The following NBEA variants were observed in gnomAD, a reference collection of about 807,000 sequenced individuals.
The protein encoded by NBEA is neurobeachin.
Under a neutral mutation model 343.4 loss-of-function variants are expected in NBEA, and 44 were observed. The observed-to-expected ratio is 0.13, with a 90% CI of 0.10 to 0.16. The LOEUF is 0.16. Ranked by LOEUF, NBEA falls within the 10% of genes least tolerant of loss-of-function variation. The pLI is 1.00. For missense variants in NBEA, 2,555 were observed against 3,631.3 expected (o/e 0.70, Z 7.62); for synonymous variants, 1,175 against 1,238.7 (o/e 0.95, Z 1.08).
chr13:35,646,048 G>A (rs1277278992), intron 50 of NBEA, 117 bp downstream of exon 50: 1 of 741,352 alleles, frequency 1.3e-6, no homozygotes, highest in South Asian at 1.9e-5. Flanking sequence ...ATAGTGACTG[G>A]GTTAACTGAA....
At chr13:35,232,862 G>A (rs991180377) in intron 34 of NBEA, among the ~76,000 whole-genome samples, 1 of 152,044 alleles carries the variant, frequency 6.6e-6, no homozygotes, top group Non-Finnish European at 1.5e-5. Context: ...CAGAATGGGA[G>A]GCTTTGGCTC....
intron 1 of NBEA, among the ~76,000 whole-genome samples, chr13:35,033,886 T>G (rs1466835025): frequency 6.6e-6 from 1 of 151,710 alleles, no homozygotes; most frequent in Non-Finnish European, 1.5e-5. Context: ...TTGTTTATTA[T>G]TCTAATAGTT....
At chr13:35,588,079 T>C (rs2081364678) in intron 46 of NBEA, among the ~76,000 whole-genome samples, 1 of 152,124 alleles carries the variant, frequency 6.6e-6, no homozygotes, top group Admixed American at 6.6e-5. Flanking sequence ...ACATTTTACA[T>C]TTTTGGAGGG....
At chr13:35,562,602 C>T (rs2079910777) in intron 44 of NBEA, among the ~76,000 whole-genome samples, 2 of 151,970 alleles carry the variant, frequency 1.3e-5, no homozygotes, top group South Asian at 2.1e-4. Context: ...GATGAACAAG[C>T]CCTCCCTGGT....
intron 1 of NBEA, among the ~76,000 whole-genome samples, chr13:35,009,883 G>T (rs1438148932): frequency 6.6e-6 from 1 of 152,180 alleles, no homozygotes; most frequent in Non-Finnish European, 1.5e-5. Flanking sequence ...AGACAACCCA[G>T]TTTGCTAGAC....
At chr13:35,114,155 C>T (rs2066377516) in intron 13 of NBEA, among the ~76,000 whole-genome samples, 2 of 152,044 alleles carry the variant, frequency 1.3e-5, no homozygotes, top group Non-Finnish European at 2.9e-5. Context: ...GTCATTGCTT[C>T]TACGTACTTT....
chr13:35,644,597 TAAAAACAG>T (rs1459147095), intron 49 of NBEA, among the ~76,000 whole-genome samples: 1 of 152,192 alleles, frequency 6.6e-6, no homozygotes, highest in Non-Finnish European at 1.5e-5. Context: ...TCTGGGGAAG[TAAAAACAG>T]GAGTAGTAGT....
intron 1 of NBEA, among the ~76,000 whole-genome samples, chr13:35,000,869 TTTTTTG>T (rs2061110897): frequency 6.6e-6 from 1 of 152,112 alleles, no homozygotes; most frequent in Non-Finnish European, 1.5e-5. Context: ...TTTACTTTCC[TTTTTTG>T]TTTTTGTTTT....
rs575038827 is a variant in NBEA, at chr13:35,357,359, C to T, written c.6179+5036C>T. Among the ~76,000 whole-genome samples, 36 of 151,682 alleles carry T rather than the reference C, an allele frequency of 2.4e-4. 1 individual carries two copies. The highest frequency in any genetic ancestry group is 1.8e-3 in the Admixed American group (28 of 15,206). On this transcript the variant is annotated intron_variant, in intron 38 of 58. Coordinates refer to ENST00000379939, the MANE Select transcript of NBEA (RefSeq NM_001385012.1). The stretch of plus-strand genomic sequence containing the variant: ...TGTGCAGGTTTGTTACATAGGAACA[C>T]GTGTGGGGGTTTGTTATATAGATTA...
chr13:35,089,392 T>G (rs1231450876), intron 10 of NBEA, among the ~76,000 whole-genome samples: 24 of 142,958 alleles, frequency 1.7e-4, no homozygotes, highest in African/African-American at 3.2e-4. Context: ...ATGGCAATCA[T>G]TAAAAAGTCA....
chr13:35,304,039 T>G (rs2036723988), intron 35 of NBEA, among the ~76,000 whole-genome samples: 1 of 152,204 alleles, frequency 6.6e-6, no homozygotes, highest in Admixed American at 6.5e-5. Flanking sequence ...AATGATTGTA[T>G]TTTAAAAATA....
intron 49 of NBEA, among the ~76,000 whole-genome samples, chr13:35,631,633 C>A (rs2083457336): frequency 1.5e-5 from 1 of 67,438 alleles, no homozygotes; most frequent in African/African-American, 6.5e-5. Context: ...TATATGTCTC[C>A]TTTGTAAAAA....
At chr13:35,463,406 T>G (rs1017925427) in intron 40 of NBEA, among the ~76,000 whole-genome samples, 15 of 152,106 alleles carry the variant, frequency 9.9e-5, no homozygotes, top group African/African-American at 3.6e-4. Context: ...GAGGATCGCT[T>G]AAGCTCAGGA....
chr13:35,558,696 C>T (rs2079706474), intron 44 of NBEA, among the ~76,000 whole-genome samples: 1 of 152,174 alleles, frequency 6.6e-6, no homozygotes, highest in South Asian at 2.1e-4. Context: ...AAGCCGGCAA[C>T]CTGCCTTTCA....
At chr13:35,004,747 G>C (rs1434969686) in intron 1 of NBEA, among the ~76,000 whole-genome samples, 1 of 152,166 alleles carries the variant, frequency 6.6e-6, no homozygotes, top group East Asian at 1.9e-4. Context: ...ACATGATGAA[G>C]ATGAAGGTGC....
chr13:35,531,219 A>C (rs1030995880), intron 41 of NBEA, among the ~76,000 whole-genome samples: 1 of 152,216 alleles, frequency 6.6e-6, no homozygotes, highest in Non-Finnish European at 1.5e-5. Flanking sequence ...TCTTCAGCCA[A>C]GAAATTATTA....
At chr13:35,577,293 C>T (rs927171865) in intron 45 of NBEA, among the ~76,000 whole-genome samples, 3 of 152,072 alleles carry the variant, frequency 2.0e-5, no homozygotes, top group Non-Finnish European at 2.9e-5. Flanking sequence ...AGTCAGGTAG[C>T]GAGGTCAGCT....
At position 35,044,992 on chromosome 13, in the gene NBEA, C is replaced by G; in HGVS notation, c.572C>G (p.Thr191Ser). The G allele has an allele frequency of 6.2e-7, 1 of 1,612,118 alleles. No homozygotes were observed. Among genetic ancestry groups the G allele is most frequent in the Non-Finnish European group, 8.5e-7 (1 of 1,179,074 alleles). Residue 191 changes from threonine to serine, a missense_variant, in exon 3 of 59, where the codon ACT becomes AGT. By Grantham distance (58) the Thr-to-Ser change is moderately conservative. Transcript: ENST00000379939. ...GGGGTTCTTGCCAGCTACAGCATCA[C>G]TGTCAAGGAGTTGAAGCTTTTGTTC... ...MLGVLASYSI[T>S]VKELKLLFSM...
chr13:35,364,619 A>G (rs557499127), intron 38 of NBEA, among the ~76,000 whole-genome samples: 2 of 151,922 alleles, frequency 1.3e-5, no homozygotes, highest in East Asian at 3.9e-4. Context: ...TGTTGTCATG[A>G]AAGTGATTAA....
Sources: gnomAD v4.1 joint callset for allele counts (sites outside exome capture counted in the v4.1 genomes callset) on GRCh38, gnomAD v4.1.1 for gene constraint, MANE v1.5 for transcripts, NCBI Gene and HGNC (gene_info 2026-07-23, HGNC 2026-07-21) for gene names.